WIF1: variants seen among roughly 807,000 people sequenced by gnomAD.
WIF1 encodes Wnt inhibitory factor 1.
WIF1 carries 35 observed loss-of-function variants against 53.5 expected under a neutral mutation model. The ratio of observed to expected loss-of-function variants is 0.65; its 90% CI spans 0.50 to 0.87. WIF1 has a LOEUF of 0.87. WIF1 is among the 40% of genes least tolerant of loss of function. WIF1 has a pLI of 0.00. For synonymous variants in WIF1, 171 were observed against 170.4 expected (o/e 1.00, Z -0.03); for missense variants, 467 against 476.8 (o/e 0.98, Z 0.19).
At chr12:65,105,580 G>A (rs927339365) in intron 2 of WIF1, among the ~76,000 whole-genome samples, 2 of 152,212 alleles carry the variant, frequency 1.3e-5, no homozygotes, top group African/African-American at 4.8e-5. Context: ...TGTTTGCAGA[G>A]TAAGGGAAAT....
At chr12:65,079,164 C>CA (rs1226121849) in intron 2 of WIF1, among the ~76,000 whole-genome samples, 39,615 of 79,980 alleles carry the variant, frequency 0.5, 11,319 homozygotes, top group Middle Eastern at 0.68. Flanking sequence ...GACTCCATCT[C>CA]AAAAAAAAAA....
At chr12:65,113,242 G>C (rs1351211630) in intron 2 of WIF1, among the ~76,000 whole-genome samples, 1 of 152,154 alleles carries the variant, frequency 6.6e-6, no homozygotes, top group Non-Finnish European at 1.5e-5. Context: ...CTCTTCCAGA[G>C]GTCCGGCAAC....
chr12:65,111,937 A>G (rs1036755091), intron 2 of WIF1, among the ~76,000 whole-genome samples: 1 of 152,200 alleles, frequency 6.6e-6, no homozygotes, highest in African/African-American at 2.4e-5. Flanking sequence ...ACAATTTCCA[A>G]GATTCTTTCA....
At chr12:65,104,070 C>CA (rs1011823708) in intron 2 of WIF1, among the ~76,000 whole-genome samples, 20 of 151,742 alleles carry the variant, frequency 1.3e-4, no homozygotes, top group Admixed American at 6.6e-5. Flanking sequence ...AGCCCACCGC[C>CA]AAAAAAATGA....
chr12:65,075,329 G>T (rs899927971), intron 3 of WIF1, among the ~76,000 whole-genome samples: 37 of 152,150 alleles, frequency 2.4e-4, no homozygotes, highest in Non-Finnish European at 4.6e-4. Context: ...CTGATCTCCT[G>T]ATTACTTTAG....
chr12:65,110,369 C>T (rs61924767), intron 2 of WIF1, among the ~76,000 whole-genome samples: 1,790 of 152,096 alleles, frequency 0.012, 12 homozygotes, highest in Non-Finnish European at 0.019. Context: ...TAGCCTTTCT[C>T]CCTGTGCCTT....
chr12:65,051,757 C>T (rs983598208), intron 9 of WIF1, among the ~76,000 whole-genome samples: 2 of 152,210 alleles, frequency 1.3e-5, no homozygotes, highest in African/African-American at 4.8e-5. Flanking sequence ...GAAGTATAGT[C>T]TCCATCCAAG....
intron 3 of WIF1, among the ~76,000 whole-genome samples, chr12:65,071,001 C>G (rs1251909687): frequency 6.6e-6 from 1 of 151,718 alleles, no homozygotes; most frequent in East Asian, 1.9e-4. Flanking sequence ...TTTGGGAGGC[C>G]GAGGCGGGTG....
chr12:65,073,310 A>G (rs1882811201), intron 3 of WIF1, among the ~76,000 whole-genome samples: 1 of 152,226 alleles, frequency 6.6e-6, no homozygotes, highest in Non-Finnish European at 1.5e-5. Flanking sequence ...ACCTATAAGA[A>G]GATGGTCTCT....
At chr12:65,118,877 G>GAGA (rs1555188672) in intron 2 of WIF1, among the ~76,000 whole-genome samples, 14 of 151,230 alleles carry the variant, frequency 9.3e-5, no homozygotes, top group African/African-American at 2.7e-4. Context: ...AGGGAGAGGG[G>GAGA]GAGAGAGAGA....
intron 2 of WIF1, among the ~76,000 whole-genome samples, chr12:65,091,006 C>T (rs1883114015): frequency 6.6e-6 from 1 of 152,034 alleles, no homozygotes; most frequent in African/African-American, 2.4e-5. Context: ...AGAATGAAAG[C>T]AGGGGCTGTG....
chr12:65,062,181 G>A (rs1266841812), intron 7 of WIF1, among the ~76,000 whole-genome samples: 1 of 152,156 alleles, frequency 6.6e-6, no homozygotes, highest in Non-Finnish European at 1.5e-5. Flanking sequence ...TCCACATAAT[G>A]AGGAGGGGAC....
Position 65,062,331 on chromosome 12 carries a change from G to C in WIF1, c.826+150C>G, listed in dbSNP as rs964595622. On this transcript the variant is annotated intron_variant, in intron 7 of 9. Transcript: ENST00000286574. ...CCTTCAGCCAAAATGCATGGTAGCT[G>C]AATCTAGCAAAAAGAAACCACTGGC... 8 of 641,348 alleles carry C rather than the reference G, an allele frequency of 1.2e-5. No homozygotes were observed. In the Admixed American group the frequency reaches 1.9e-4, roughly 16 times the overall value. 39.7% of individuals were successfully genotyped at this position (641,348 alleles called of 1,614,324 possible). A position where few individuals can be genotyped will look rare whatever the true frequency, so the allele number is the denominator to read the frequency against.
Position 65,121,103 on chromosome 12 carries a change from G to A in WIF1, c.89C>T (p.Pro30Leu). Residue 30 changes from proline to leucine, a missense_variant, in exon 1 of 10, where the codon CCG (proline) becomes CTG (leucine). By Grantham distance (98) the Pro-to-Leu change is moderately conservative. Coordinates refer to ENST00000286574, the MANE Select transcript of WIF1 (RefSeq NM_007191.5). ...CLLALRAEAG[P>L]PQEESLYLWI... ...TAGGTACAGGCTCTCCTCCTGCGGCGGCCCGGCCTCCGCCCGCAGTGCCAG... is the reference window on the plus strand; with the variant it reads ...TAGGTACAGGCTCTCCTCCTGCGGCAGCCCGGCCTCCGCCCGCAGTGCCAG... The A allele has an allele frequency of 6.5e-7, 1 of 1,545,688 alleles. No homozygotes were observed. Among genetic ancestry groups the A allele is most frequent in the Non-Finnish European group, 8.7e-7 (1 of 1,144,162 alleles).
At chr12:65,109,909 A>G (rs997084854) in intron 2 of WIF1, among the ~76,000 whole-genome samples, 1 of 152,206 alleles carries the variant, frequency 6.6e-6, no homozygotes, top group African/African-American at 2.4e-5. Flanking sequence ...AATGACAGTA[A>G]TAGGATACAC....
intron 2 of WIF1, among the ~76,000 whole-genome samples, chr12:65,087,423 T>C (rs1883056241): frequency 6.6e-6 from 1 of 152,228 alleles, no homozygotes; most frequent in African/African-American, 2.4e-5. Context: ...TCCAGGGTTG[T>C]ATATTTACTT....
In WIF1 at chr12:65,056,366, CTTTTTTTTTTT is replaced by C. The variant is rs10584146; in HGVS notation, c.827-251_827-241del. On this transcript the variant is annotated intron_variant, in intron 7 of 9. Transcript: ENST00000286574. ...GTTGCCAAAATGCTGCATTTATATC[CTTTTTTTTTTT>C]TTTTTTTTTTTTTTTTTTTTTTTTT... is the stretch of plus-strand genomic sequence containing the variant. Among the ~76,000 whole-genome samples the C allele has an allele frequency of 3.8e-3, 92 of 24,250 alleles. 1 individual carries two copies. The highest frequency in any genetic ancestry group is 0.011 in the African/African-American group (82 of 7,148). 15.9% of individuals were successfully genotyped at this position (24,250 alleles called of 152,430 possible). A position where few individuals can be genotyped will look rare whatever the true frequency, so the allele number is the denominator to read the frequency against.
chr12:65,071,680 A>T (rs1396110095), intron 3 of WIF1, among the ~76,000 whole-genome samples: 2 of 152,190 alleles, frequency 1.3e-5, no homozygotes, highest in African/African-American at 2.4e-5. Flanking sequence ...CACATTAAAA[A>T]TCCCATCAGC....
intron 2 of WIF1, among the ~76,000 whole-genome samples, chr12:65,079,435 A>C (rs1375741842): frequency 6.6e-6 from 1 of 152,130 alleles, no homozygotes; most frequent in African/African-American, 2.4e-5. Context: ...ACAAACATTA[A>C]GGAAGAAATA....
Sources: gnomAD v4.1 joint callset for allele counts (sites outside exome capture counted in the v4.1 genomes callset) on GRCh38, gnomAD v4.1.1 for gene constraint, MANE v1.5 for transcripts, NCBI Gene and HGNC (gene_info 2026-07-23, HGNC 2026-07-21) for gene names.